The following CRYZL1 variants were observed in gnomAD, a reference collection of about 807,000 sequenced individuals.
The protein encoded by CRYZL1 is ferry endosomal RAB5 effector complex subunit 4.
In CRYZL1, 34 loss-of-function variants were observed where a neutral mutation model predicts 50.6. The observed-to-expected ratio is 0.67, with a 90% confidence interval of 0.51 to 0.89. The LOEUF (loss-of-function observed/expected upper bound fraction) is 0.89. Ranked by LOEUF, CRYZL1 falls within the 40% of genes least tolerant of loss-of-function variation. The probability of loss-of-function intolerance (pLI) is 0.00; values close to 1 mark genes in which losing one functional copy is unlikely to be tolerated. For missense variants in CRYZL1, 354 were observed against 402.3 expected (o/e 0.88, Z 1.03); for synonymous variants, 125 against 134.3 (o/e 0.93, Z 0.48).
intron 2 of CRYZL1, among the ~76,000 whole-genome samples, chr21:33,630,712 T>C (rs183400955): frequency 3.3e-5 from 5 of 152,290 alleles, no homozygotes; most frequent in Admixed American, 3.3e-4. Context: ...ACTGCAGCAC[T>C]ATTCACAACA....
intron 11 of CRYZL1, among the ~76,000 whole-genome samples, chr21:33,592,291 A>G (rs2086652211): frequency 6.6e-6 from 1 of 151,744 alleles, no homozygotes; most frequent in Non-Finnish European, 1.5e-5. Context: ...ATTCACCGCC[A>G]CACCAGGTTA....
At position 33,595,812 on chromosome 21, in the gene CRYZL1, G is replaced by C. The variant is rs2086688127; in HGVS notation, c.823C>G (p.Leu275Val). 2 of 1,613,796 alleles carry C rather than the reference G, an allele frequency of 1.2e-6. No individual in the cohort carries two copies. The highest frequency in any genetic ancestry group is 2.2e-5 in the South Asian group (2 of 91,080). ...LQLDPPDSHC[L>V]FLKGATLAFL... ...GCTAACGTTGCTCCCTTGAGGAAAA[G>C]GCAGTGGCTATCTGGAGGATCCAAC... The change falls in exon 11 of 13, where the codon CTT (leucine) becomes GTT (valine). Residue 275 changes from leucine to valine, a missense_variant. Leu to Val is a conservative substitution (Grantham distance 32). Coordinates refer to ENST00000381554, the MANE Select transcript of CRYZL1 (RefSeq NM_145858.3).
chr21:33,608,001 T>C (rs1218497534), intron 6 of CRYZL1, among the ~76,000 whole-genome samples: 3 of 152,154 alleles, frequency 2.0e-5, no homozygotes, highest in Admixed American at 6.5e-5. Flanking sequence ...ACGAATACAA[T>C]GTGGAATAAT....
At chr21:33,609,098 T>C (rs1320873728) in intron 6 of CRYZL1, among the ~76,000 whole-genome samples, 2 of 152,234 alleles carry the variant, frequency 1.3e-5, no homozygotes, top group African/African-American at 4.8e-5. Flanking sequence ...CCCTAATGAT[T>C]ACTGATGTCG....
chr21:33,621,936 C>T (rs907500626), intron 4 of CRYZL1, 60 bp downstream of exon 4: 10 of 1,140,768 alleles, frequency 8.8e-6, no homozygotes, highest in South Asian at 1.5e-5. Flanking sequence ...AACCAATTAG[C>T]TACATTTAAT....
In CRYZL1 at chr21:33,609,480, T is replaced by A. The variant is rs184866815; in HGVS notation, c.331+4058A>T. Among the ~76,000 whole-genome samples the A allele has an allele frequency of 2.0e-4, 31 of 152,194 alleles. 1 individual carries two copies. Among genetic ancestry groups the A allele is most frequent in the Admixed American group, 1.1e-3 (17 of 15,256 alleles). The stretch of plus-strand genomic sequence containing the variant: ...ATATCTAGTTATTATTTATTTATTT[T>A]TTTTATTTCTTGTAGAGATGGGGTT... On this transcript the variant is annotated intron_variant, in intron 6 of 12. Transcript: ENST00000381554.
intron 6 of CRYZL1, among the ~76,000 whole-genome samples, chr21:33,610,533 T>C (rs900625106): frequency 6.6e-6 from 1 of 152,184 alleles, no homozygotes; most frequent in Admixed American, 6.6e-5. Context: ...TATACTTTAA[T>C]GGATTTCTGG....
rs879792412 is a variant in CRYZL1, at chr21:33,594,173, G to A, written c.904+1558C>T. Among the ~76,000 whole-genome samples the A allele has an allele frequency of 4.4e-4, 38 of 86,858 alleles. 1 individual carries two copies. The Admixed American group carries it at 4.6e-3, about 11-fold the overall frequency. The allele number at this position is 86,858 out of a possible 152,430, so 57.0% of individuals were successfully genotyped here. On this transcript the variant is annotated intron_variant, in intron 11 of 12. Coordinates refer to ENST00000381554, the MANE Select transcript of CRYZL1 (RefSeq NM_145858.3). ...GACATTTACTTTTTTTTTTTTTTTT[G>A]AGACAGAGTCTCGCTCTGTAGCTAA...
At chr21:33,619,959 A>G (rs1344932636) in intron 4 of CRYZL1, among the ~76,000 whole-genome samples, 4 of 152,202 alleles carry the variant, frequency 2.6e-5, no homozygotes, top group African/African-American at 7.2e-5. Context: ...AGCTTACATA[A>G]TAATCTGCTC....
intron 1 of CRYZL1, among the ~76,000 whole-genome samples, chr21:33,632,581 T>C (rs1464027610): frequency 6.6e-6 from 1 of 152,148 alleles, no homozygotes; most frequent in East Asian, 2.0e-4. Context: ...ATTCACCACG[T>C]TGGCCAGGCT....
At chr21:33,630,839 G>A (rs540426836) in intron 2 of CRYZL1, among the ~76,000 whole-genome samples, 1 of 152,318 alleles carries the variant, frequency 6.6e-6, no homozygotes, top group African/African-American at 2.4e-5. Context: ...CCTGTCATTT[G>A]TGAAAATGTG....
intron 1 of CRYZL1, among the ~76,000 whole-genome samples, chr21:33,635,204 A>C: frequency 6.6e-6 from 1 of 152,064 alleles, no homozygotes; most frequent in East Asian, 1.9e-4. Flanking sequence ...AGGCAGATTA[A>C]ATAAAACAGT....
intron 1 of CRYZL1, among the ~76,000 whole-genome samples, chr21:33,632,160 T>TAA (rs753671237): frequency 7.7e-5 from 7 of 90,892 alleles, no homozygotes; most frequent in Admixed American, 1.2e-4. Context: ...CCATCTCTAC[T>TAA]AAAAAAAAAA....
At chr21:33,640,871 G>A (rs769385151) in intron 1 of CRYZL1, among the ~76,000 whole-genome samples, 25 of 152,058 alleles carry the variant, frequency 1.6e-4, no homozygotes, top group Non-Finnish European at 3.1e-4. Flanking sequence ...TAATTTTGAA[G>A]ATTTAATACG....
chr21:33,589,446 AAATT>A lies in CRYZL1; in HGVS notation c.*372_*375del, dbSNP rs2086618967. On this transcript the variant is annotated 3_prime_UTR_variant, in exon 13 of 13. Transcript: ENST00000381554. ...AGGTGTTGAGAACGGAGTTGATACA[AAATT>A]AATACGTTACTTTGATAGCTTAGCA... The A allele has an allele frequency of 1.2e-5, 4 of 326,098 alleles. No homozygotes were observed. Among genetic ancestry groups the A allele is most frequent in the Non-Finnish European group, 2.2e-5 (4 of 181,172 alleles). 20.2% of individuals were successfully genotyped at this position (326,098 alleles called of 1,614,324 possible). A position where few individuals can be genotyped will look rare whatever the true frequency, so the allele number is the denominator to read the frequency against.
chr21:33,616,594 G>A (rs1179234180), intron 5 of CRYZL1, 112 bp downstream of exon 5: 5 of 1,569,456 alleles, frequency 3.2e-6, no homozygotes, highest in Non-Finnish European at 3.5e-6. Context: ...ACCCAGCCGG[G>A]AAAGTACTTC....
At position 33,595,504 on chromosome 21, in the gene CRYZL1, C is replaced by T. The variant is rs202076227; in HGVS notation, c.904+227G>A. On this transcript the variant is annotated intron_variant, in intron 11 of 12. Transcript: ENST00000381554. ...TGCTGCGTCCTTGAGTCTGTATCAA[C>T]ATCTCTGTGCTTCTGTTTCTTCACC... The T allele has an allele frequency of 8.5e-4, 1,086 of 1,281,074 alleles. 1 individual carries two copies. The highest frequency in any genetic ancestry group is 1.1e-3 in the Non-Finnish European group (1,024 of 926,864). The allele number at this position is 1,281,074 out of a possible 1,614,324, so 79.4% of individuals were successfully genotyped here.
chr21:33,640,226 T>C (rs1453156937), intron 1 of CRYZL1: 4 of 1,546,438 alleles, frequency 2.6e-6, no homozygotes, highest in East Asian at 2.5e-5. Flanking sequence ...AAATATTTCA[T>C]TGCACAAGGC....
chr21:33,601,307 T>C (rs2086754296), intron 8 of CRYZL1, among the ~76,000 whole-genome samples: 1 of 152,146 alleles, frequency 6.6e-6, no homozygotes, highest in Non-Finnish European at 1.5e-5. Context: ...AGCCCCTGTA[T>C]TGCCTTCCTT....
Sources: gnomAD v4.1 joint callset for allele counts (sites outside exome capture counted in the v4.1 genomes callset) on GRCh38, gnomAD v4.1.1 for gene constraint, MANE v1.5 for transcripts, NCBI Gene and HGNC (gene_info 2026-07-23, HGNC 2026-07-21) for gene names.